Variants in MAGI2 observed in about 807,000 individuals in gnomAD.
MAGI2 encodes the protein membrane associated guanylate kinase, WW and PDZ domain containing 2, also known as membrane-associated guanylate kinase, WW and PDZ domain-containing protein 2.
In MAGI2, 35 loss-of-function variants were observed where a neutral mutation model predicts 133.3. The ratio of observed to expected loss-of-function variants is 0.26; its 90% CI spans 0.20 to 0.35. The LOEUF is 0.35. Ranked by LOEUF, MAGI2 falls within the 10% of genes least tolerant of loss-of-function variation. The pLI is 1.00. For missense variants in MAGI2, 1,636 were observed against 1,863.4 expected (o/e 0.88, Z 2.25); for synonymous variants, 729 against 710.6 (o/e 1.03, Z -0.41).
intron 1 of MAGI2, among the ~76,000 whole-genome samples, chr7:79,299,335 T>G (rs569207378): frequency 6.6e-6 from 1 of 151,980 alleles, no homozygotes; most frequent in South Asian, 2.1e-4. Context: ...GGGGGTGACA[T>G]AGAGTGTTGT....
At chr7:78,152,973 G>A (rs892620808) in intron 16 of MAGI2, among the ~76,000 whole-genome samples, 8 of 152,242 alleles carry the variant, frequency 5.3e-5, no homozygotes, top group African/African-American at 1.9e-4. Context: ...GAACTTGTTT[G>A]TGCAAACCAG....
chr7:78,440,781 G>A (rs111472284), intron 6 of MAGI2, among the ~76,000 whole-genome samples: 2,340 of 135,298 alleles, frequency 0.017, 45 homozygotes, highest in African/African-American at 0.046. Flanking sequence ...GTGAAACCCC[G>A]CCTCTACTAA....
At chr7:78,970,419 A>T (rs144513515) in intron 2 of MAGI2, among the ~76,000 whole-genome samples, 1 of 152,186 alleles carries the variant, frequency 6.6e-6, no homozygotes, top group East Asian at 1.9e-4. Flanking sequence ...GCAGAATCAT[A>T]AAGTCATTCT....
intron 9 of MAGI2, among the ~76,000 whole-genome samples, chr7:78,295,596 A>T (rs1264536597): frequency 6.6e-6 from 1 of 152,126 alleles, no homozygotes; most frequent in African/African-American, 2.4e-5. Context: ...TCCTATCACA[A>T]TGACTGTTCA....
intron 1 of MAGI2, among the ~76,000 whole-genome samples, chr7:79,417,747 G>GAA (rs1242809404): frequency 7.5e-6 from 1 of 132,852 alleles, no homozygotes; most frequent in African/African-American, 3.2e-5. Flanking sequence ...GTCCACATAT[G>GAA]CACAAAAAAA....
intron 1 of MAGI2, among the ~76,000 whole-genome samples, chr7:79,130,522 C>T (rs965563457): frequency 3.3e-5 from 5 of 152,202 alleles, no homozygotes; most frequent in African/African-American, 9.7e-5. Context: ...CACGCATTCA[C>T]ATCACATGCA....
intron 7 of MAGI2, among the ~76,000 whole-genome samples, chr7:78,363,007 A>C (rs1252135300): frequency 6.6e-6 from 1 of 152,212 alleles, no homozygotes; most frequent in Non-Finnish European, 1.5e-5. Flanking sequence ...AAAGCATATT[A>C]AAATAAAAGT....
chr7:79,189,312 C>CAAAAA (rs34814587), intron 1 of MAGI2, among the ~76,000 whole-genome samples: 1,499 of 74,212 alleles, frequency 0.02, 52 homozygotes, highest in African/African-American at 0.052. Context: ...TTTTTATAGG[C>CAAAAA]AAAAAAAAAA....
In MAGI2 at chr7:79,203,645, C is replaced by T. The variant is rs549532286; in HGVS notation, c.302-196439G>A. On this transcript the variant is annotated intron_variant, in intron 1 of 21. Coordinates refer to ENST00000354212, the MANE Select transcript of MAGI2 (RefSeq NM_012301.4). ...AAAAATTGTAGAATATTATGTTGTACGTTTATATATATTGACTTGCTCAGT... is the reference window on the plus strand; with the variant it reads ...AAAAATTGTAGAATATTATGTTGTATGTTTATATATATTGACTTGCTCAGT... 1.0e-3 allele frequency among the ~76,000 whole-genome samples: 155 copies of T among 152,006 alleles called. 3 individuals carry two copies. The highest frequency in any genetic ancestry group is 3.6e-3 in the African/African-American group (148 of 41,380).
intron 15 of MAGI2, among the ~76,000 whole-genome samples, chr7:78,165,814 T>C (rs1470312336): frequency 6.6e-6 from 1 of 152,222 alleles, no homozygotes; most frequent in Non-Finnish European, 1.5e-5. Flanking sequence ...CATATTCATT[T>C]GTAGTTGTCC....
intron 21 of MAGI2, among the ~76,000 whole-genome samples, chr7:78,036,056 C>CGTGTGTGTGTGT (rs3840613): frequency 4.1e-4 from 62 of 151,114 alleles, no homozygotes; most frequent in African/African-American, 1.3e-3. Flanking sequence ...TGTGTGTCTG[C>CGTGTGTGTGTGT]GTGTGTGTGT....
intron 3 of MAGI2, among the ~76,000 whole-genome samples, chr7:78,572,592 C>A (rs1244319356): frequency 1.3e-5 from 2 of 152,138 alleles, no homozygotes; most frequent in Admixed American, 6.5e-5. Flanking sequence ...ACCTACCCCC[C>A]AGATTCCTAT....
chr7:78,217,836 A>G (rs778626677), intron 10 of MAGI2, among the ~76,000 whole-genome samples: 5 of 152,202 alleles, frequency 3.3e-5, no homozygotes, highest in African/African-American at 7.2e-5. Context: ...TTTATATTCA[A>G]TGGAACAGAA....
chr7:78,060,602 A>G (rs1813139290), intron 21 of MAGI2, among the ~76,000 whole-genome samples: 1 of 152,228 alleles, frequency 6.6e-6, no homozygotes, highest in Non-Finnish European at 1.5e-5. Context: ...ACTTCAGACG[A>G]CTGAGAGATC....
At chr7:78,678,583 T>C (rs1250601625) in intron 2 of MAGI2, among the ~76,000 whole-genome samples, 1 of 152,182 alleles carries the variant, frequency 6.6e-6, no homozygotes. Context: ...CTTTAGTATT[T>C]AGTGTTTATC....
intron 2 of MAGI2, among the ~76,000 whole-genome samples, chr7:78,742,049 C>G (rs1010399138): frequency 1.5e-4 from 23 of 151,808 alleles, no homozygotes; most frequent in African/African-American, 4.6e-4. Flanking sequence ...CTGGAAAGCC[C>G]TTTTGGTAAT....
At chr7:79,250,161 T>C (rs1833132735) in intron 1 of MAGI2, among the ~76,000 whole-genome samples, 1 of 151,822 alleles carries the variant, frequency 6.6e-6, no homozygotes, top group African/African-American at 2.4e-5. Context: ...GATAGCCATA[T>C]AAAACAGCCC....
intron 6 of MAGI2, among the ~76,000 whole-genome samples, chr7:78,391,905 C>T (rs1381695278): frequency 6.6e-6 from 1 of 152,042 alleles, no homozygotes; most frequent in East Asian, 1.9e-4. Flanking sequence ...AATACATTTA[C>T]CTGAAGTTAG....
chr7:78,487,991 T>C (rs754114817), intron 6 of MAGI2, among the ~76,000 whole-genome samples: 1 of 152,076 alleles, frequency 6.6e-6, no homozygotes, highest in Non-Finnish European at 1.5e-5. Context: ...AAAGCACTTT[T>C]CTTGGCAAGA....
Sources: gnomAD v4.1 joint callset for allele counts (sites outside exome capture counted in the v4.1 genomes callset) on GRCh38, gnomAD v4.1.1 for gene constraint, MANE v1.5 for transcripts, NCBI Gene and HGNC (gene_info 2026-07-23, HGNC 2026-07-21) for gene names.